The following EPHA6 variants were observed in gnomAD, a reference collection of about 807,000 sequenced individuals.
The protein encoded by EPHA6 is ephrin type-A receptor 6.
EPHA6 carries 50 observed loss-of-function variants against 112.0 expected under a neutral mutation model. That is an observed-to-expected ratio of 0.45 (90% CI 0.36 to 0.56). The LOEUF is 0.56. EPHA6 is among the 20% of genes least tolerant of loss of function. The pLI is 0.00. For missense variants in EPHA6, 1,280 were observed against 1,417.4 expected (o/e 0.90, Z 1.56); for synonymous variants, 529 against 490.7 (o/e 1.08, Z -1.03).
chr3:96,955,156 T>C (rs888943133), intron 2 of EPHA6, among the ~76,000 whole-genome samples: 7 of 152,166 alleles, frequency 4.6e-5, no homozygotes, highest in Non-Finnish European at 1.0e-4. Context: ...ATTCTTGTGA[T>C]GTATTTATGT....
chr3:97,480,164 C>T (rs921980222), intron 9 of EPHA6, among the ~76,000 whole-genome samples: 5 of 151,802 alleles, frequency 3.3e-5, no homozygotes, highest in Admixed American at 3.3e-4. Flanking sequence ...AAGTGAGGAA[C>T]TTTTATTTTT....
intron 6 of EPHA6, among the ~76,000 whole-genome samples, chr3:97,437,441 A>G (rs886731785): frequency 3.3e-5 from 5 of 152,174 alleles, no homozygotes; most frequent in African/African-American, 1.2e-4. Flanking sequence ...TAGCATTTAT[A>G]TTTGAATAAA....
chr3:96,942,409 C>T (rs9829948), intron 2 of EPHA6, among the ~76,000 whole-genome samples: 18,252 of 152,162 alleles, frequency 0.12, 2,041 homozygotes, highest in African/African-American at 0.24. Flanking sequence ...TAGGACCCTC[C>T]GAGCTAGGTG....
intron 3 of EPHA6, among the ~76,000 whole-genome samples, chr3:97,024,120 C>T (rs1038032296): frequency 2.6e-5 from 4 of 151,952 alleles, no homozygotes; most frequent in Admixed American, 2.6e-4. Context: ...CCCTATGTTC[C>T]CATCTGTTAT....
chr3:97,350,959 T>C (rs1351525111), intron 5 of EPHA6, among the ~76,000 whole-genome samples: 1 of 152,184 alleles, frequency 6.6e-6, no homozygotes, highest in African/African-American at 2.4e-5. Flanking sequence ...GTGGCATAAA[T>C]AGTTCTTGCT....
intron 6 of EPHA6, among the ~76,000 whole-genome samples, chr3:97,414,721 G>A (rs2087988793): frequency 6.6e-6 from 1 of 151,978 alleles, no homozygotes; most frequent in Non-Finnish European, 1.5e-5. Flanking sequence ...GCCTTGGAGA[G>A]TAAAGCAAAG....
intron 5 of EPHA6, among the ~76,000 whole-genome samples, chr3:97,298,753 T>C (rs1300683272): frequency 6.6e-6 from 1 of 152,108 alleles, no homozygotes; most frequent in Non-Finnish European, 1.5e-5. Flanking sequence ...CACACATATA[T>C]ATTGAAAGGT....
chr3:97,335,504 A>G (rs2083014481), intron 5 of EPHA6, among the ~76,000 whole-genome samples: 1 of 152,178 alleles, frequency 6.6e-6, no homozygotes, highest in Non-Finnish European at 1.5e-5. Flanking sequence ...AGCTTTCTCC[A>G]CAGCAATTTT....
At chr3:97,082,592 T>C (rs1415792319) in intron 3 of EPHA6, among the ~76,000 whole-genome samples, 2 of 151,948 alleles carry the variant, frequency 1.3e-5, no homozygotes, top group African/African-American at 4.8e-5. Context: ...TAAGAAACTT[T>C]TAATCAATTC....
At chr3:97,732,331 C>T (rs891660178) in intron 15 of EPHA6, among the ~76,000 whole-genome samples, 1 of 151,652 alleles carries the variant, frequency 6.6e-6, no homozygotes, top group East Asian at 2.0e-4. Context: ...CTGGAAGAAG[C>T]CTTCCTGAGG....
At chr3:97,518,893 A>G (rs932251436) in intron 10 of EPHA6, among the ~76,000 whole-genome samples, 2 of 151,998 alleles carry the variant, frequency 1.3e-5, no homozygotes, top group African/African-American at 4.8e-5. Context: ...TATTCTGGCT[A>G]TAGGTCCCAT....
chr3:96,891,509 G>A (rs1178401560), intron 2 of EPHA6, among the ~76,000 whole-genome samples: 4 of 152,042 alleles, frequency 2.6e-5, no homozygotes, highest in African/African-American at 9.7e-5. Context: ...TCAGGAGTTC[G>A]AGACCAGCCT....
At chr3:97,117,924 AT>A (rs1214689278) in intron 3 of EPHA6, among the ~76,000 whole-genome samples, 1 of 151,804 alleles carries the variant, frequency 6.6e-6, no homozygotes, top group East Asian at 1.9e-4. Context: ...ACTCTGTATC[AT>A]TTTTTGCTAT....
intron 11 of EPHA6, among the ~76,000 whole-genome samples, chr3:97,534,806 C>T (rs544942244): frequency 1.3e-5 from 2 of 152,058 alleles, no homozygotes; most frequent in African/African-American, 2.4e-5. Flanking sequence ...TTATATATCT[C>T]TGGCAGGCAA....
At chr3:97,206,302 A>G (rs367623893) in intron 3 of EPHA6, among the ~76,000 whole-genome samples, 37 of 152,176 alleles carry the variant, frequency 2.4e-4, no homozygotes, top group African/African-American at 8.2e-4. Flanking sequence ...TACTGTCAAC[A>G]GAATCCATGT....
intron 2 of EPHA6, among the ~76,000 whole-genome samples, chr3:96,910,778 C>G (rs1294172006): frequency 6.6e-6 from 1 of 152,004 alleles, no homozygotes; most frequent in Non-Finnish European, 1.5e-5. Context: ...GTTATATCCC[C>G]TTAACCTCCA....
chr3:97,468,845 T>C (rs2091140789), intron 7 of EPHA6, among the ~76,000 whole-genome samples: 2 of 151,750 alleles, frequency 1.3e-5, no homozygotes, highest in Non-Finnish European at 3.0e-5. Flanking sequence ...GTATGGCTTA[T>C]ACTAATCCCT....
chr3:97,677,203 C>A (rs1025454572), intron 14 of EPHA6, among the ~76,000 whole-genome samples: 1 of 151,880 alleles, frequency 6.6e-6, no homozygotes, highest in Admixed American at 6.6e-5. Context: ...AATTTAGTAT[C>A]CAAATTAAGA....
intron 5 of EPHA6, among the ~76,000 whole-genome samples, chr3:97,331,984 T>C (rs1301505346): frequency 1.3e-5 from 2 of 152,134 alleles, no homozygotes; most frequent in Non-Finnish European, 2.9e-5. Context: ...ATATCCCTGA[T>C]GAACATCGAT....
Sources: gnomAD v4.1 joint callset for allele counts (sites outside exome capture counted in the v4.1 genomes callset) on GRCh38, gnomAD v4.1.1 for gene constraint, MANE v1.5 for transcripts, NCBI Gene and HGNC (gene_info 2026-07-23, HGNC 2026-07-21) for gene names.